Variants in FIG4 observed in about 807,000 individuals in gnomAD.
FIG4 encodes the protein FIG4 phosphoinositide 5-phosphatase.
In FIG4, 112 loss-of-function variants were observed where a neutral mutation model predicts 118.6. The ratio of observed to expected loss-of-function variants is 0.94; its 90% CI spans 0.81 to 1.11. The LOEUF is 1.11. Ranked by LOEUF, FIG4 falls within the 50% of genes least tolerant of loss-of-function variation. FIG4 has a pLI of 0.00. For missense variants in FIG4, 969 were observed against 1,111.7 expected (o/e 0.87, Z 1.83); for synonymous variants, 369 against 381.2 (o/e 0.97, Z 0.37).
chr6:109,813,065 A>G (rs928316642), intron 22 of FIG4, among the ~76,000 whole-genome samples: 1 of 152,220 alleles, frequency 6.6e-6, no homozygotes, highest in African/African-American at 2.4e-5. Flanking sequence ...TTTTACCTAT[A>G]AAAGTAGCAG....
At chr6:109,819,797 A>G (rs1274875549) in intron 22 of FIG4, among the ~76,000 whole-genome samples, 1 of 152,210 alleles carries the variant, frequency 6.6e-6, no homozygotes, top group African/African-American at 2.4e-5. Flanking sequence ...ACCTTTACTG[A>G]GCACTCAGGC....
intron 1 of FIG4, among the ~76,000 whole-genome samples, chr6:109,696,779 T>C (rs774630572): frequency 1.3e-5 from 2 of 152,124 alleles, no homozygotes; most frequent in Non-Finnish European, 2.9e-5. Flanking sequence ...GGTTAACAGA[T>C]ATAAAATAAC....
chr6:109,769,342 G>A (rs1777387560), intron 15 of FIG4, among the ~76,000 whole-genome samples: 1 of 152,064 alleles, frequency 6.6e-6, no homozygotes, highest in African/African-American at 2.4e-5. Flanking sequence ...AGAAAATGAT[G>A]TGCACAAATG....
intron 15 of FIG4, among the ~76,000 whole-genome samples, chr6:109,776,123 G>A (rs1399515257): frequency 6.6e-6 from 1 of 152,196 alleles, no homozygotes; most frequent in Non-Finnish European, 1.5e-5. Flanking sequence ...AAGGACACTA[G>A]GGAGGAGAAT....
intron 17 of FIG4, chr6:109,785,711 T>C (rs766511822): frequency 6.4e-6 from 3 of 470,672 alleles, no homozygotes; most frequent in South Asian, 3.1e-5. Flanking sequence ...AATGCTCCAA[T>C]TGAGGACTCC....
At chr6:109,763,695 A>G (rs1777181398) in intron 12 of FIG4, among the ~76,000 whole-genome samples, 1 of 152,186 alleles carries the variant, frequency 6.6e-6, no homozygotes, top group Non-Finnish European at 1.5e-5. Flanking sequence ...CAGAGTGGAC[A>G]CTCAGGCAAA....
intron 7 of FIG4, among the ~76,000 whole-genome samples, chr6:109,740,412 T>G (rs923407381): frequency 2.0e-5 from 3 of 152,150 alleles, no homozygotes; most frequent in African/African-American, 4.8e-5. Context: ...AAGAGTAGTT[T>G]ATGAATACTA....
chr6:109,695,036 A>G (rs895025191), intron 1 of FIG4, among the ~76,000 whole-genome samples: 2 of 152,250 alleles, frequency 1.3e-5, no homozygotes, highest in African/African-American at 4.8e-5. Flanking sequence ...GAGGTTCCTC[A>G]AAAAACTAAA....
intron 1 of FIG4, among the ~76,000 whole-genome samples, chr6:109,692,696 C>CTT (rs879426050): frequency 6.8e-6 from 1 of 147,224 alleles, no homozygotes; most frequent in Non-Finnish European, 1.5e-5. Flanking sequence ...ACATAAATAA[C>CTT]TTTTTTTTTT....
chr6:109,807,776 A>AT (rs1778607657), intron 22 of FIG4, among the ~76,000 whole-genome samples: 1 of 152,114 alleles, frequency 6.6e-6, no homozygotes, highest in Admixed American at 6.5e-5. Flanking sequence ...TCTGGAGTTA[A>AT]TTTTTGTATA....
At chr6:109,693,958 AAG>A (rs1774631694) in intron 1 of FIG4, among the ~76,000 whole-genome samples, 1 of 152,006 alleles carries the variant, frequency 6.6e-6, no homozygotes, top group Non-Finnish European at 1.5e-5. Flanking sequence ...AAATAAGAAA[AAG>A]GCATAAAATT....
chr6:109,695,014 G>A (rs1774665776), intron 1 of FIG4, among the ~76,000 whole-genome samples: 1 of 152,232 alleles, frequency 6.6e-6, no homozygotes, highest in South Asian at 2.1e-4. Flanking sequence ...AGCCATTATA[G>A]AAAACAGTAT....
intron 22 of FIG4, among the ~76,000 whole-genome samples, chr6:109,797,773 G>A (rs1183291645): frequency 3.3e-5 from 5 of 151,930 alleles, no homozygotes; most frequent in African/African-American, 1.2e-4. Flanking sequence ...GTGCGTGCCT[G>A]TAATTCCAGA....
intron 14 of FIG4, among the ~76,000 whole-genome samples, chr6:109,766,447 T>C (rs1490423400): frequency 6.6e-6 from 1 of 152,228 alleles, no homozygotes; most frequent in Non-Finnish European, 1.5e-5. Flanking sequence ...TGCAGAAAGT[T>C]AGGAGTCTTT....
At chr6:109,736,540 A>C (rs530502891) in intron 6 of FIG4, among the ~76,000 whole-genome samples, 1 of 152,164 alleles carries the variant, frequency 6.6e-6, no homozygotes, top group Non-Finnish European at 1.5e-5. Flanking sequence ...ATTTGCTTGC[A>C]ACGCTTCTGA....
intron 16 of FIG4, among the ~76,000 whole-genome samples, chr6:109,779,223 G>A (rs551142598): frequency 6.6e-6 from 1 of 152,210 alleles, no homozygotes; most frequent in Non-Finnish European, 1.5e-5. Flanking sequence ...CTGAAATTTT[G>A]TATTACTTTA....
chr6:109,745,911 C>A (rs1166787334), intron 10 of FIG4, among the ~76,000 whole-genome samples: 2 of 152,100 alleles, frequency 1.3e-5, no homozygotes, highest in African/African-American at 4.8e-5. Flanking sequence ...CTTTAAATTT[C>A]ATGTGGAAGC....
intron 16 of FIG4, among the ~76,000 whole-genome samples, chr6:109,780,447 A>C (rs922558769): frequency 1.3e-5 from 2 of 152,126 alleles, no homozygotes; most frequent in African/African-American, 4.8e-5. Context: ...TCCTGGGCTC[A>C]AGCAGTCTGC....
chr6:109,724,350 A>G (rs1474376793), intron 3 of FIG4, among the ~76,000 whole-genome samples: 1 of 152,154 alleles, frequency 6.6e-6, no homozygotes, highest in African/African-American at 2.4e-5. Context: ...TTAGATTTTT[A>G]TCTTCAGATG....
Sources: allele counts gnomAD v4.1 joint callset (sites outside exome capture counted in the v4.1 genomes callset), GRCh38; gene constraint gnomAD v4.1.1; transcripts MANE v1.5; gene names NCBI Gene and HGNC (gene_info 2026-07-23, HGNC 2026-07-21).